Variants in PDGFD observed in about 807,000 individuals in gnomAD.
PDGFD encodes the protein platelet derived growth factor D.
In PDGFD, 30 loss-of-function variants were observed where a neutral mutation model predicts 44.7. That is an observed-to-expected ratio of 0.67 (90% CI 0.50 to 0.91). PDGFD has a LOEUF of 0.91. PDGFD is among the 40% of genes least tolerant of loss of function. The pLI, the probability that PDGFD is intolerant of heterozygous loss-of-function variation, is 0.00. For missense variants in PDGFD, 445 were observed against 457.8 expected (o/e 0.97, Z 0.25); for synonymous variants, 173 against 168.4 (o/e 1.03, Z -0.21).
intron 1 of PDGFD, among the ~76,000 whole-genome samples, chr11:104,073,300 G>T (rs1860907251): frequency 1.3e-5 from 2 of 152,092 alleles, no homozygotes; most frequent in South Asian, 4.1e-4. Flanking sequence ...ATTTAAAAAT[G>T]CTACATAAAT....
chr11:104,016,054 T>C lies in PDGFD; in HGVS notation c.125-15799A>G, dbSNP rs990351873. On this transcript the variant is annotated intron_variant, in intron 1 of 6. Transcript: ENST00000393158. ...AAATTTTACACATAGGCAGAGGTCTTTTTATTTGCACAGTATCACATGCTT... is the reference window on the plus strand; with the variant it reads ...AAATTTTACACATAGGCAGAGGTCTCTTTATTTGCACAGTATCACATGCTT... Among the ~76,000 whole-genome samples, 11 of 152,334 alleles carry C rather than the reference T, an allele frequency of 7.2e-5. No homozygotes were observed. In the East Asian group the frequency reaches 1.9e-3, roughly 27 times the overall value.
chr11:104,144,538 A>AAAAACC lies in PDGFD; in HGVS notation c.124+19265_124+19266insGGTTTT, dbSNP rs1565347744. Among the ~76,000 whole-genome samples the AAAAACC allele has an allele frequency of 3.3e-3, 444 of 134,058 alleles. 11 individuals are homozygous for AAAAACC. The highest frequency in any genetic ancestry group is 0.013 in the African/African-American group (423 of 32,132). 87.9% of individuals were successfully genotyped at this position (134,058 alleles called of 152,430 possible). A position where few individuals can be genotyped will look rare whatever the true frequency, so the allele number is the denominator to read the frequency against. On this transcript the variant is annotated intron_variant, in intron 1 of 6. Coordinates refer to ENST00000393158, the MANE Select transcript of PDGFD (RefSeq NM_025208.5). Reference sequence around the variant, plus strand: ...AAAAAAAAAAAAAAAACCCAACAAAACAAAACAAACAAACAAAAAGGCCAA... The same window carrying AAAAACC: ...AAAAAAAAAAAAAAAACCCAACAAAAAAAACCCAAAACAAACAAACAAAAAGGCCAA...
intron 1 of PDGFD, among the ~76,000 whole-genome samples, chr11:104,064,006 T>C (rs982641908): frequency 1.3e-5 from 2 of 152,208 alleles, no homozygotes; most frequent in African/African-American, 4.8e-5. Context: ...GTGGAGTCCA[T>C]CAGGCTTCAA....
chr11:104,114,876 T>C (rs12274117), intron 1 of PDGFD, among the ~76,000 whole-genome samples: 19,708 of 151,488 alleles, frequency 0.13, 1,402 homozygotes, highest in East Asian at 0.29. Context: ...ATAACATTTT[T>C]AGGTTTTTTT....
chr11:104,104,950 C>G (rs1320026514), intron 1 of PDGFD, among the ~76,000 whole-genome samples: 3 of 152,098 alleles, frequency 2.0e-5, no homozygotes, highest in Non-Finnish European at 4.4e-5. Flanking sequence ...TTATTTTTCA[C>G]CAATAAGGAC....
At chr11:103,992,283 C>T (rs1859467939) in intron 3 of PDGFD, among the ~76,000 whole-genome samples, 1 of 152,016 alleles carries the variant, frequency 6.6e-6, no homozygotes, top group Admixed American at 6.6e-5. Context: ...GTATAAGGCA[C>T]TGTATAGAAT....
Position 104,087,021 on chromosome 11 carries a change from C to CTTTTT in PDGFD, c.124+76778_124+76782dup, listed in dbSNP as rs528848924. The stretch of plus-strand genomic sequence containing the variant: ...TCCCTCTTGTACCTAGGCTCTTAGT[C>CTTTTT]TTTTTTTTTTTTTTTTTTTTTTTTT... On this transcript the variant is annotated intron_variant, in intron 1 of 6. Transcript: ENST00000393158. Among the ~76,000 whole-genome samples, 83 of 103,200 alleles carry CTTTTT rather than the reference C, an allele frequency of 8.0e-4. 3 individuals carry two copies. The highest frequency in any genetic ancestry group is 1.2e-3 in the African/African-American group (35 of 28,168). 67.7% of individuals were successfully genotyped at this position (103,200 alleles called of 152,430 possible).
At chr11:104,067,185 G>C (rs1358377201) in intron 1 of PDGFD, among the ~76,000 whole-genome samples, 1 of 152,134 alleles carries the variant, frequency 6.6e-6, no homozygotes, top group Non-Finnish European at 1.5e-5. Flanking sequence ...TCTGTCTAGA[G>C]ACTAAAGCAG....
At chr11:103,950,568 G>GA (rs1401962485) in intron 3 of PDGFD, among the ~76,000 whole-genome samples, 1 of 55,516 alleles carries the variant, frequency 1.8e-5, no homozygotes, top group Non-Finnish European at 3.3e-5. Flanking sequence ...TGTCTCAAAA[G>GA]AAAAAATAAA....
At chr11:103,911,850 C>T (rs1007536151) in intron 6 of PDGFD, among the ~76,000 whole-genome samples, 1 of 151,330 alleles carries the variant, frequency 6.6e-6, no homozygotes, top group African/African-American at 2.4e-5. Context: ...CTTCAATAGC[C>T]AAATCGATCA....
chr11:104,120,057 T>G (rs1049099713), intron 1 of PDGFD, among the ~76,000 whole-genome samples: 1 of 148,534 alleles, frequency 6.7e-6, no homozygotes, highest in Non-Finnish European at 1.5e-5. Flanking sequence ...AACATATATA[T>G]GTCCTATGAT....
intron 1 of PDGFD, chr11:104,038,723 G>C (rs1055994204): frequency 1.2e-5 from 2 of 166,924 alleles, no homozygotes; most frequent in African/African-American, 4.8e-5. Flanking sequence ...AGAAACTCTG[G>C]CTATAAAACA....
intron 1 of PDGFD, among the ~76,000 whole-genome samples, chr11:104,050,867 A>AT (rs1212943430): frequency 4.6e-5 from 7 of 152,190 alleles, no homozygotes. Flanking sequence ...TTAATTGTCC[A>AT]TATCATGGAA....
At chr11:104,015,621 A>G (rs1029105786) in intron 1 of PDGFD, among the ~76,000 whole-genome samples, 9 of 152,240 alleles carry the variant, frequency 5.9e-5, no homozygotes, top group Admixed American at 5.2e-4. Flanking sequence ...TAGCCTACAT[A>G]TGTCTTTACA....
intron 3 of PDGFD, among the ~76,000 whole-genome samples, chr11:103,968,534 T>C (rs945582082): frequency 3.0e-4 from 45 of 152,302 alleles, no homozygotes; most frequent in African/African-American, 1.0e-3. Context: ...AATATCAAAG[T>C]AAAATATTCC....
chr11:104,005,443 C>T (rs1591117412), intron 1 of PDGFD, among the ~76,000 whole-genome samples: 2 of 152,210 alleles, frequency 1.3e-5, no homozygotes, highest in Admixed American at 6.5e-5. Flanking sequence ...AACTTAATGC[C>T]AACTCAGGGC....
At chr11:103,952,746 CTTAA>C (rs754334135) in intron 3 of PDGFD, among the ~76,000 whole-genome samples, 6 of 152,252 alleles carry the variant, frequency 3.9e-5, no homozygotes, top group African/African-American at 7.2e-5. Flanking sequence ...TCTGCATTGC[CTTAA>C]TTAATAAAAT....
In PDGFD at chr11:103,996,257, T is replaced by G. The variant is rs988484440; in HGVS notation, c.330-12A>C. 3.1e-6 allele frequency: 5 copies of G among 1,591,282 alleles called. No individual in the cohort carries two copies. Among genetic ancestry groups the G allele is most frequent in the Admixed American group, 1.8e-5 (1 of 55,440 alleles). On this transcript the variant is annotated splice_polypyrimidine_tract_variant and intron_variant, in intron 2 of 6. Coordinates refer to ENST00000393158, the MANE Select transcript of PDGFD (RefSeq NM_025208.5). ...CCACAAAATCATACCTAGAATCAAT[T>G]GGACATAATGAACAAGTTTTGATTA...
chr11:104,101,046 C>A (rs1861369851), intron 1 of PDGFD, among the ~76,000 whole-genome samples: 1 of 152,122 alleles, frequency 6.6e-6, no homozygotes, highest in South Asian at 2.1e-4. Context: ...TGGCACAAGA[C>A]AGGGATGCCC....
Sources: gnomAD v4.1 joint callset for allele counts (sites outside exome capture counted in the v4.1 genomes callset) on GRCh38, gnomAD v4.1.1 for gene constraint, MANE v1.5 for transcripts, NCBI Gene and HGNC (gene_info 2026-07-23, HGNC 2026-07-21) for gene names.